Variants in FSTL5 observed in about 807,000 individuals in gnomAD.
FSTL5 encodes follistatin-related protein 5.
In FSTL5, 62 loss-of-function variants were observed where a neutral mutation model predicts 89.1. The observed-to-expected ratio is 0.70, with a 90% CI of 0.57 to 0.86. The LOEUF (loss-of-function observed/expected upper bound fraction) is 0.86, where lower values mean the gene tolerates loss of function less well. FSTL5 is among the 40% of genes least tolerant of loss of function. The pLI is 0.00. For missense variants in FSTL5, 1,057 were observed against 1,001.6 expected (o/e 1.06, Z -0.75); for synonymous variants, 383 against 346.2 (o/e 1.11, Z -1.18).
intron 6 of FSTL5, among the ~76,000 whole-genome samples, chr4:161,705,696 T>C (rs544450757): frequency 1.2e-3 from 184 of 151,838 alleles, no homozygotes; most frequent in African/African-American, 4.2e-3. Flanking sequence ...ATTAAGATAA[T>C]ACCTGGTTCA....
chr4:161,776,519 ATATATATG>A (rs1304511886), intron 4 of FSTL5, among the ~76,000 whole-genome samples: 103 of 100,918 alleles, frequency 1.0e-3, no homozygotes, highest in African/African-American at 0.01. Flanking sequence ...GTATTGAAAT[ATATATATG>A]TACGTATATG....
chr4:161,663,109 T>C (rs1174107633), intron 6 of FSTL5, among the ~76,000 whole-genome samples: 1 of 152,004 alleles, frequency 6.6e-6, no homozygotes, highest in African/African-American at 2.4e-5. Flanking sequence ...CTACAACACA[T>C]GAGAATTCCG....
intron 4 of FSTL5, among the ~76,000 whole-genome samples, chr4:161,881,337 T>C (rs1299126938): frequency 6.6e-6 from 1 of 151,842 alleles, no homozygotes; most frequent in Admixed American, 6.6e-5. Flanking sequence ...AATTAGATAC[T>C]ACAGTTGTAT....
chr4:161,425,229 C>T (rs1366667164), intron 15 of FSTL5, among the ~76,000 whole-genome samples: 1 of 152,116 alleles, frequency 6.6e-6, no homozygotes, highest in Non-Finnish European at 1.5e-5. Context: ...TAAAAGTTTT[C>T]AGAGGCTGAC....
rs549998720 is a variant in FSTL5 at position 161,515,286 on chromosome 4, G to C, written c.1313-4862C>G. ...GATCTCAGCTCACTGCAATCTCCAC[G>C]TACTGGGTTCAAGAGATTCTCCTGC... On this transcript the variant is annotated intron_variant, in intron 10 of 15. Transcript: ENST00000306100. Among the ~76,000 whole-genome samples, 8 of 151,870 alleles carry C rather than the reference G, an allele frequency of 5.3e-5. No homozygotes were observed. The East Asian group carries it at 1.4e-3, about 26-fold the overall frequency.
At chr4:161,699,365 G>A (rs1447958263) in intron 6 of FSTL5, among the ~76,000 whole-genome samples, 1 of 151,974 alleles carries the variant, frequency 6.6e-6, no homozygotes, top group African/African-American at 2.4e-5. Flanking sequence ...GCTGAACATT[G>A]AACATGTGTT....
In FSTL5 at chr4:162,155,533, T is replaced by C. The variant is rs374306962; in HGVS notation, c.-17+8082A>G. 1.7e-4 allele frequency among the ~76,000 whole-genome samples: 26 copies of C among 152,352 alleles called. No individual in the cohort carries two copies. The East Asian group carries it at 5.0e-3, about 29-fold the overall frequency. On this transcript the variant is annotated intron_variant, in intron 1 of 15. Coordinates refer to ENST00000306100, the MANE Select transcript of FSTL5 (RefSeq NM_020116.5). ...ATGTGGCTAAGTCTGTGATAATTTGTATGTCACAACAGAAAACATACATAT... is the reference window on the plus strand; with the variant it reads ...ATGTGGCTAAGTCTGTGATAATTTGCATGTCACAACAGAAAACATACATAT...
At chr4:161,877,372 A>G (rs1732479126) in intron 4 of FSTL5, among the ~76,000 whole-genome samples, 1 of 150,258 alleles carries the variant, frequency 6.7e-6, no homozygotes, top group South Asian at 2.1e-4. Context: ...TTGTATTTAT[A>G]TTTATATTAA....
At chr4:161,406,312 T>A (rs888980282) in intron 15 of FSTL5, among the ~76,000 whole-genome samples, 2 of 152,190 alleles carry the variant, frequency 1.3e-5, no homozygotes, top group Non-Finnish European at 2.9e-5. Context: ...TCCACTTATT[T>A]GTGAATCGTC....
intron 15 of FSTL5, among the ~76,000 whole-genome samples, chr4:161,439,592 A>T (rs1732690237): frequency 6.6e-6 from 1 of 152,218 alleles, no homozygotes; most frequent in Non-Finnish European, 1.5e-5. Context: ...CAGATAAAAC[A>T]CTTAATTGTG....
intron 6 of FSTL5, among the ~76,000 whole-genome samples, chr4:161,747,574 T>C (rs576081215): frequency 4.6e-5 from 7 of 152,214 alleles, no homozygotes; most frequent in Non-Finnish European, 1.0e-4. Flanking sequence ...AATCTGCAAC[T>C]TCTGTAAAGC....
intron 10 of FSTL5, among the ~76,000 whole-genome samples, chr4:161,521,866 A>AAAAG (rs1731046005): frequency 2.6e-5 from 3 of 116,390 alleles, no homozygotes; most frequent in East Asian, 2.3e-4. Context: ...AAAAAAAAAG[A>AAAAG]AAAAAAAAGA....
intron 2 of FSTL5, among the ~76,000 whole-genome samples, chr4:162,059,403 A>AT (rs1273117773): frequency 1.3e-5 from 2 of 152,216 alleles, no homozygotes; most frequent in Admixed American, 1.3e-4. Flanking sequence ...TTTTAAACTT[A>AT]TTTTAGAGTC....
At chr4:161,460,734 A>G (rs957756814) in intron 13 of FSTL5, among the ~76,000 whole-genome samples, 1 of 152,124 alleles carries the variant, frequency 6.6e-6, no homozygotes, top group Non-Finnish European at 1.5e-5. Flanking sequence ...AAACTCACTT[A>G]ACCATTTTTT....
At chr4:161,963,489 T>G (rs1490968945) in intron 3 of FSTL5, among the ~76,000 whole-genome samples, 1 of 151,912 alleles carries the variant, frequency 6.6e-6, no homozygotes, top group Non-Finnish European at 1.5e-5. Context: ...AATGTGATTT[T>G]CCTCTAATAT....
intron 15 of FSTL5, among the ~76,000 whole-genome samples, chr4:161,451,919 G>A (rs115389839): frequency 6.6e-5 from 10 of 152,164 alleles, no homozygotes; most frequent in East Asian, 1.9e-4. Context: ...AGCCTGACAC[G>A]TGTCAAGAAG....
At chr4:161,985,648 T>G (rs1023624274) in intron 3 of FSTL5, among the ~76,000 whole-genome samples, 1 of 151,838 alleles carries the variant, frequency 6.6e-6, no homozygotes, top group African/African-American at 2.4e-5. Context: ...TTAATATACT[T>G]TGTATATATA....
intron 13 of FSTL5, among the ~76,000 whole-genome samples, chr4:161,464,888 A>G (rs1192253559): frequency 6.6e-6 from 1 of 152,090 alleles, no homozygotes; most frequent in East Asian, 1.9e-4. Flanking sequence ...GGCTTATACA[A>G]CCTGGCTCTT....
At chr4:162,153,759 T>TACGTATATATGTATACATATATATGTATA (rs1554004008) in intron 1 of FSTL5, among the ~76,000 whole-genome samples, 1 of 100,128 alleles carries the variant, frequency 1.0e-5, no homozygotes, top group African/African-American at 3.5e-5. Flanking sequence ...TACATGTATA[T>TACGTATATATGTATACATATATATGTATA]ATACATGTAT....
Sources: gnomAD v4.1 joint callset for allele counts (sites outside exome capture counted in the v4.1 genomes callset) on GRCh38, gnomAD v4.1.1 for gene constraint, MANE v1.5 for transcripts, NCBI Gene and HGNC (gene_info 2026-07-23, HGNC 2026-07-21) for gene names.